ZSWIM5: variants seen among roughly 807,000 people sequenced by gnomAD.
ZSWIM5 encodes the protein zinc finger SWIM domain-containing protein 5.
A neutral mutation model predicts 119.6 loss-of-function variants in ZSWIM5; 55 were observed. That is an observed-to-expected ratio of 0.46 (90% CI 0.37 to 0.58). The LOEUF (loss-of-function observed/expected upper bound fraction) is 0.58, where lower values mean the gene tolerates loss of function less well. Ranked by LOEUF, ZSWIM5 falls within the 20% of genes least tolerant of loss-of-function variation. The pLI is 0.00. For missense variants in ZSWIM5, 1,193 were observed against 1,512.8 expected, an observed-to-expected ratio of 0.79 and a Z score of 3.51; for synonymous variants, 537 against 606.9, an observed-to-expected ratio of 0.88 and a Z score of 1.69.
At chr1:45,182,510 C>T (rs978542185) in intron 1 of ZSWIM5, among the ~76,000 whole-genome samples, 7 of 152,020 alleles carry the variant, frequency 4.6e-5, no homozygotes, top group African/African-American at 1.2e-4. Context: ...ACCCATCTCA[C>T]GTGCAGAGAC....
At chr1:45,036,342 A>G (rs757205250) in intron 8 of ZSWIM5, 43 bp from the exon 9 acceptor site, 2 of 1,505,698 alleles carry the variant, frequency 1.3e-6, no homozygotes, top group South Asian at 2.5e-5. Flanking sequence ...TAGGCTTGGT[A>G]GAGTCTTCTT....
intron 1 of ZSWIM5, among the ~76,000 whole-genome samples, chr1:45,099,698 C>A (rs1392381535): frequency 6.6e-6 from 1 of 152,170 alleles, no homozygotes; most frequent in Non-Finnish European, 1.5e-5. Context: ...AGCTTATCTA[C>A]CATGATCAAG....
chr1:45,068,728 A>G (rs1056470296), intron 2 of ZSWIM5, among the ~76,000 whole-genome samples: 32 of 147,276 alleles, frequency 2.2e-4, no homozygotes, highest in Non-Finnish European at 1.2e-4. Context: ...TATTGAAAAG[A>G]TTATTCTTTT....
intron 1 of ZSWIM5, among the ~76,000 whole-genome samples, chr1:45,136,101 T>A (rs1306999887): frequency 6.6e-6 from 1 of 152,090 alleles, no homozygotes; most frequent in East Asian, 1.9e-4. Flanking sequence ...GCTCAAGGGA[T>A]CCACCTGCCT....
chr1:45,053,357 T>C (rs1284567043), intron 4 of ZSWIM5, among the ~76,000 whole-genome samples: 1 of 152,006 alleles, frequency 6.6e-6, no homozygotes, highest in East Asian at 1.9e-4. Flanking sequence ...ATCAATAGGA[T>C]AATAGGAATG....
chr1:45,199,391 C>T (rs989755147), intron 1 of ZSWIM5, among the ~76,000 whole-genome samples: 32 of 151,882 alleles, frequency 2.1e-4, no homozygotes, highest in African/African-American at 7.5e-4. Flanking sequence ...CTCTGCCTCC[C>T]GGCTTCAAGC....
chr1:45,144,983 A>C (rs926974065), intron 1 of ZSWIM5, among the ~76,000 whole-genome samples: 2 of 152,182 alleles, frequency 1.3e-5, no homozygotes, highest in Non-Finnish European at 2.9e-5. Context: ...GAATATGAAC[A>C]AGTCAATTTA....
chr1:45,163,464 A>G (rs1032080087), intron 1 of ZSWIM5, among the ~76,000 whole-genome samples: 1 of 152,222 alleles, frequency 6.6e-6, no homozygotes, highest in African/African-American at 2.4e-5. Flanking sequence ...ACAAAGCTAG[A>G]CAGAGAATGA....
intron 1 of ZSWIM5, among the ~76,000 whole-genome samples, chr1:45,140,726 T>C (rs1228451913): frequency 2.0e-5 from 3 of 152,152 alleles, no homozygotes; most frequent in Non-Finnish European, 4.4e-5. Context: ...AAGATTAAGC[T>C]TCTAGAGATG....
chr1:45,092,795 C>T (rs1027987491), intron 1 of ZSWIM5, among the ~76,000 whole-genome samples: 3 of 152,164 alleles, frequency 2.0e-5, no homozygotes, highest in Admixed American at 6.5e-5. Flanking sequence ...GTCTTACAAG[C>T]GAAAGTCTAA....
chr1:45,144,298 C>T (rs1645747884), intron 1 of ZSWIM5, among the ~76,000 whole-genome samples: 1 of 151,268 alleles, frequency 6.6e-6, no homozygotes, highest in Admixed American at 6.6e-5. Context: ...GAGGCTGAGG[C>T]AGGAGGATCA....
Position 45,057,331 on chromosome 1 carries a change from G to C in ZSWIM5, c.1252+1278C>G, listed in dbSNP as rs1012582564. ...TCTTGGATGGTAGGTACAGTAATTT[G>C]TTAGATATGAAAATGCCAGAAGCAA... On this transcript the variant is annotated intron_variant, in intron 4 of 13. Transcript: ENST00000359600. This position sits in a 1 kb window ranked among gnomAD's most constrained non-coding sequence, Gnocchi z 4.7. Among the ~76,000 whole-genome samples the C allele has an allele frequency of 1.1e-4, 17 of 152,336 alleles. No homozygotes were observed. The highest frequency in any genetic ancestry group is 3.8e-4 in the African/African-American group (16 of 41,574).
intron 1 of ZSWIM5, among the ~76,000 whole-genome samples, chr1:45,175,163 T>C (rs1010892837): frequency 1.3e-5 from 2 of 152,156 alleles, no homozygotes; most frequent in Non-Finnish European, 2.9e-5. Flanking sequence ...TTTTGAAGAA[T>C]GTCCCTCAGT....
intron 2 of ZSWIM5, among the ~76,000 whole-genome samples, chr1:45,080,853 CAG>C (rs1645285654): frequency 6.6e-6 from 1 of 152,074 alleles, no homozygotes; most frequent in Non-Finnish European, 1.5e-5. Context: ...GTGCTGGAGG[CAG>C]AGCTGGAAGG....
chr1:45,140,927 C>T (rs1645722557), intron 1 of ZSWIM5, among the ~76,000 whole-genome samples: 1 of 151,982 alleles, frequency 6.6e-6, no homozygotes, highest in South Asian at 2.1e-4. Flanking sequence ...TCTAGTATAC[C>T]CAGACTGAAT....
At chr1:45,145,550 A>G (rs946304764) in intron 1 of ZSWIM5, among the ~76,000 whole-genome samples, 3 of 152,134 alleles carry the variant, frequency 2.0e-5, no homozygotes, top group Admixed American at 6.5e-5. Flanking sequence ...ATGCTGAGTA[A>G]AAAAAGCCAT....
intron 11 of ZSWIM5, among the ~76,000 whole-genome samples, chr1:45,028,962 T>G (rs563301477): frequency 6.6e-6 from 1 of 152,172 alleles, no homozygotes; most frequent in South Asian, 2.1e-4. Flanking sequence ...TTGAAATAAT[T>G]TTACTTACAG....
At chr1:45,175,613 G>A (rs1489640652) in intron 1 of ZSWIM5, among the ~76,000 whole-genome samples, 2 of 151,816 alleles carry the variant, frequency 1.3e-5, no homozygotes, top group Non-Finnish European at 2.9e-5. Flanking sequence ...ACCATGCCCG[G>A]CTAATTTTTT....
At chr1:45,182,351 C>T (rs978488479) in intron 1 of ZSWIM5, among the ~76,000 whole-genome samples, 11 of 150,546 alleles carry the variant, frequency 7.3e-5, no homozygotes, top group African/African-American at 2.2e-4. Flanking sequence ...TTGCAGTGAG[C>T]GGAGATCGCG....
Sources: allele counts gnomAD v4.1 joint callset (sites outside exome capture counted in the v4.1 genomes callset), GRCh38; gene constraint gnomAD v4.1.1; non-coding constraint Gnocchi (gnomAD v3.1); transcripts MANE v1.5; gene names NCBI Gene and HGNC (gene_info 2026-07-23, HGNC 2026-07-21).